The following CAMK4 variants were observed in gnomAD, a reference collection of about 807,000 sequenced individuals.
The protein encoded by CAMK4 is calcium/calmodulin-dependent protein kinase type IV.
Under a neutral mutation model 44.9 loss-of-function variants are expected in CAMK4, and 22 were observed. The observed-to-expected ratio is 0.49, with a 90% CI of 0.35 to 0.70. The LOEUF (loss-of-function observed/expected upper bound fraction) is 0.70, where lower values mean the gene tolerates loss of function less well. CAMK4 is among the 30% of genes least tolerant of loss of function. CAMK4 has a pLI of 0.01. For synonymous variants in CAMK4, 218 were observed against 215.4 expected, an observed-to-expected ratio of 1.01 and a Z score of -0.11; for missense variants, 498 against 586.8, an observed-to-expected ratio of 0.85 and a Z score of 1.56.
chr5:111,355,769 T>C (rs1393791337), intron 2 of CAMK4, among the ~76,000 whole-genome samples: 1 of 144,332 alleles, frequency 6.9e-6, no homozygotes, highest in Admixed American at 6.9e-5. Flanking sequence ...TTTTTGTCCT[T>C]GCGATAGTTT....
chr5:111,494,374 A>G lies in CAMK4; in HGVS notation c.*9908A>G, dbSNP rs781619830. On this transcript the variant is annotated 3_prime_UTR_variant, in exon 11 of 11. Coordinates refer to ENST00000282356, the MANE Select transcript of CAMK4 (RefSeq NM_001744.6). ...CTACTTAATACAAAGATATATTACA[A>G]TATTTTTAGGTAAATGTATTAAGTC... is the stretch of plus-strand genomic sequence containing the variant. 6.6e-6 allele frequency: 1 copy of G among 152,180 alleles called. No individual in the cohort carries two copies. Among genetic ancestry groups the G allele is most frequent in the Non-Finnish European group, 1.5e-5 (1 of 68,038 alleles). 9.4% of individuals were successfully genotyped at this position (152,180 alleles called of 1,614,324 possible). A position where few individuals can be genotyped will look rare whatever the true frequency, so the allele number is the denominator to read the frequency against.
chr5:111,228,683 C>G lies in CAMK4; in HGVS notation c.161+4039C>G, dbSNP rs1748320208. Among the ~76,000 whole-genome samples, 3 of 152,064 alleles carry G rather than the reference C, an allele frequency of 2.0e-5. No homozygotes were observed. The South Asian group carries it at 6.2e-4, about 32-fold the overall frequency. On this transcript the variant is annotated intron_variant, in intron 1 of 10. Transcript: ENST00000282356. ...GGCTGAACCCATGTGATTTCACATC[C>G]CACTAATGTGTTGTGATTCAGTTTG...
chr5:111,429,288 AG>A (rs1304612591), intron 5 of CAMK4, among the ~76,000 whole-genome samples: 5 of 152,208 alleles, frequency 3.3e-5, no homozygotes, highest in Admixed American at 6.5e-5. Flanking sequence ...ATAAAATCAG[AG>A]GTGTAAAAGG....
At chr5:111,275,093 CAT>C (rs1750698287) in intron 1 of CAMK4, among the ~76,000 whole-genome samples, 1 of 152,080 alleles carries the variant, frequency 6.6e-6, no homozygotes, top group Admixed American at 6.6e-5. Context: ...ATCAGACTAA[CAT>C]ATCCATCACC....
intron 5 of CAMK4, among the ~76,000 whole-genome samples, chr5:111,444,856 C>G (rs143899118): frequency 6.6e-6 from 1 of 152,028 alleles, no homozygotes; most frequent in African/African-American, 2.4e-5. Context: ...ACTGATTGAC[C>G]GAGAAGCTCA....
chr5:111,435,679 T>C (rs898353478), intron 5 of CAMK4, among the ~76,000 whole-genome samples: 1 of 152,230 alleles, frequency 6.6e-6, no homozygotes, highest in Non-Finnish European at 1.5e-5. Context: ...AAAAATTTGC[T>C]TGCTGCTTCT....
At chr5:111,350,266 A>G (rs1049830560) in intron 2 of CAMK4, among the ~76,000 whole-genome samples, 2 of 152,074 alleles carry the variant, frequency 1.3e-5, no homozygotes, top group African/African-American at 4.8e-5. Context: ...ATTAATTGCA[A>G]TGTGTTCACA....
At position 111,224,430 on chromosome 5, in the gene CAMK4, C is replaced by A. The variant is rs1748063826; in HGVS notation, c.-54C>A. Reference sequence around the variant, plus strand: ...AGGCGGCGGCTGGCGGCCGGCTTCTCGCTCGGGCAGCGGCGGCGGCGGCGG... The same window carrying A: ...AGGCGGCGGCTGGCGGCCGGCTTCTAGCTCGGGCAGCGGCGGCGGCGGCGG... On this transcript the variant is annotated 5_prime_UTR_variant, in exon 1 of 11. Coordinates refer to ENST00000282356, the MANE Select transcript of CAMK4 (RefSeq NM_001744.6). The surrounding 1 kb of genome is among the most constrained non-coding windows in gnomAD (Gnocchi z 5.7). 11 of 1,525,154 alleles carry A rather than the reference C, an allele frequency of 7.2e-6. No individual in the cohort carries two copies. The highest frequency in any genetic ancestry group is 2.7e-5 in the East Asian group (1 of 37,428). 94.5% of individuals were successfully genotyped at this position (1,525,154 alleles called of 1,614,324 possible). A position where few individuals can be genotyped will look rare whatever the true frequency, so the allele number is the denominator to read the frequency against.
At chr5:111,426,104 A>T (rs1480724585) in intron 5 of CAMK4, among the ~76,000 whole-genome samples, 1 of 152,216 alleles carries the variant, frequency 6.6e-6, no homozygotes, top group East Asian at 1.9e-4. Context: ...AAATTAAAAA[A>T]AAATCTAAGT....
At chr5:111,427,168 A>C (rs545666771) in intron 5 of CAMK4, among the ~76,000 whole-genome samples, 1 of 152,282 alleles carries the variant, frequency 6.6e-6, no homozygotes, top group East Asian at 1.9e-4. Flanking sequence ...CAGCCACAGC[A>C]GGATAGGGCA....
chr5:111,471,491 C>T (rs1164284777), intron 7 of CAMK4, among the ~76,000 whole-genome samples: 1 of 152,180 alleles, frequency 6.6e-6, no homozygotes, highest in East Asian at 1.9e-4. Context: ...TCAGTGATTT[C>T]GCCATTCTTC....
intron 2 of CAMK4, among the ~76,000 whole-genome samples, chr5:111,356,863 T>C (rs1750380124): frequency 1.3e-5 from 2 of 152,096 alleles, no homozygotes; most frequent in Admixed American, 6.6e-5. Context: ...TCTCATTATA[T>C]CAATCTCGTT....
intron 2 of CAMK4, among the ~76,000 whole-genome samples, chr5:111,367,113 G>A (rs1414340016): frequency 6.7e-6 from 1 of 150,332 alleles, no homozygotes; most frequent in African/African-American, 2.5e-5. Flanking sequence ...TAGTTTACCT[G>A]GTGTCTTAGT....
intron 1 of CAMK4, among the ~76,000 whole-genome samples, chr5:111,280,335 C>A (rs575347719): frequency 6.6e-6 from 1 of 152,308 alleles, no homozygotes; most frequent in Non-Finnish European, 1.5e-5. Context: ...ACTGGACAAA[C>A]ATTGTGCTGT....
intron 5 of CAMK4, among the ~76,000 whole-genome samples, chr5:111,440,051 A>G (rs1753773351): frequency 6.6e-6 from 1 of 152,254 alleles, no homozygotes. Context: ...GAGTATAGCC[A>G]GAGAAAGCTG....
rs115934158 is a variant in CAMK4, at chr5:111,357,773, A to G, written c.240+13671A>G. Among the ~76,000 whole-genome samples the G allele has an allele frequency of 5.2e-3, 791 of 152,228 alleles. 9 individuals carry two copies. Among genetic ancestry groups the G allele is most frequent in the African/African-American group, 0.018 (729 of 41,560 alleles). ...TTTAACGGTAAAGGAGCATAATGCTAATAAGAATGGAACCCACACTGAATT... is the reference window on the plus strand; with the variant it reads ...TTTAACGGTAAAGGAGCATAATGCTGATAAGAATGGAACCCACACTGAATT... On this transcript the variant is annotated intron_variant, in intron 2 of 10. Transcript: ENST00000282356.
In CAMK4 at chr5:111,488,375, A is replaced by T. The variant is rs1043844457; in HGVS notation, c.*3909A>T. 5 of 152,156 alleles carry T rather than the reference A, an allele frequency of 3.3e-5. No homozygotes were observed. The highest frequency in any genetic ancestry group is 7.4e-5 in the Non-Finnish European group (5 of 68,026). 9.4% of individuals were successfully genotyped at this position (152,156 alleles called of 1,614,324 possible). A position where few individuals can be genotyped will look rare whatever the true frequency, so the allele number is the denominator to read the frequency against. On this transcript the variant is annotated 3_prime_UTR_variant, in exon 11 of 11. Transcript: ENST00000282356. ...TGGATTTAACAAAAGACTTTTGAAA[A>T]TTTTTTACATACTGATTTTAGAATA...
chr5:111,410,635 G>C (rs181505031), intron 5 of CAMK4, among the ~76,000 whole-genome samples: 3 of 152,124 alleles, frequency 2.0e-5, no homozygotes, highest in Non-Finnish European at 4.4e-5. Context: ...AGGGAATAAA[G>C]TTCTGTTTTG....
intron 2 of CAMK4, among the ~76,000 whole-genome samples, chr5:111,355,481 A>G (rs1750299635): frequency 1.4e-5 from 1 of 72,608 alleles, no homozygotes; most frequent in African/African-American, 5.5e-5. Context: ...ACAATTCTGC[A>G]TTCTTTTTAT....
Sources: gnomAD v4.1 joint callset for allele counts (sites outside exome capture counted in the v4.1 genomes callset) on GRCh38, gnomAD v4.1.1 for gene constraint, Gnocchi (gnomAD v3.1) non-coding constraint, MANE v1.5 for transcripts, NCBI Gene and HGNC (gene_info 2026-07-23, HGNC 2026-07-21) for gene names.